The following SRGAP3 variants were observed in gnomAD, a reference collection of about 807,000 sequenced individuals.
The protein encoded by SRGAP3 is SLIT-ROBO Rho GTPase-activating protein 3.
SRGAP3 carries 39 observed loss-of-function variants against 121.1 expected under a neutral mutation model. The ratio of observed to expected loss-of-function variants is 0.32; its 90% CI spans 0.25 to 0.42. SRGAP3 has a LOEUF of 0.42. Ranked by LOEUF, SRGAP3 falls within the 10% of genes least tolerant of loss-of-function variation. The probability of loss-of-function intolerance (pLI) is 1.00; values close to 1 mark genes in which losing one functional copy is unlikely to be tolerated. For missense variants in SRGAP3, 1,213 were observed against 1,470.6 expected, an observed-to-expected ratio of 0.82 and a Z score of 2.86; for synonymous variants, 601 against 570.0, an observed-to-expected ratio of 1.05 and a Z score of -0.77.
At chr3:9,224,023 CG>C (rs1490374194) in intron 1 of SRGAP3, among the ~76,000 whole-genome samples, 1 of 152,150 alleles carries the variant, frequency 6.6e-6, no homozygotes, top group African/African-American at 2.4e-5. Flanking sequence ...TCACAAGCCA[CG>C]GGGCTCTGAA....
At chr3:9,294,484 C>G (rs1320524957) in intron 3 of SRGAP3, among the ~76,000 whole-genome samples, 1 of 152,024 alleles carries the variant, frequency 6.6e-6, no homozygotes, top group Non-Finnish European at 1.5e-5. Flanking sequence ...CACACATTTA[C>G]CTATGTAGCA....
At chr3:9,333,694 C>T (rs1425072608) in intron 1 of SRGAP3, among the ~76,000 whole-genome samples, 1 of 152,194 alleles carries the variant, frequency 6.6e-6, no homozygotes, top group Non-Finnish European at 1.5e-5. Context: ...CCCAGTCTCT[C>T]TCCCTCTCTC....
intron 12 of SRGAP3, among the ~76,000 whole-genome samples, chr3:9,031,344 C>G (rs1026516124): frequency 6.6e-6 from 1 of 152,172 alleles, no homozygotes; most frequent in Non-Finnish European, 1.5e-5. Flanking sequence ...TCCTTTGGTA[C>G]AGCCCTGCCC....
At chr3:9,069,878 C>A (rs1044529970) in intron 4 of SRGAP3, among the ~76,000 whole-genome samples, 7 of 152,104 alleles carry the variant, frequency 4.6e-5, no homozygotes, top group African/African-American at 1.7e-4. Flanking sequence ...ACCCAGGAGG[C>A]AGAGGTTGCA....
chr3:9,241,676 A>AC (rs1421043641), intron 1 of SRGAP3, among the ~76,000 whole-genome samples: 1 of 152,124 alleles, frequency 6.6e-6, no homozygotes, highest in African/African-American at 2.4e-5. Flanking sequence ...TGAAGCCCTA[A>AC]CCCCCAGTGT....
At chr3:9,033,408 TTTTC>T (rs1216565385) in intron 11 of SRGAP3, 5 of 144,744 alleles carry the variant, frequency 3.5e-5, no homozygotes, top group African/African-American at 1.1e-4. Flanking sequence ...GTACACTTTC[TTTTC>T]TTTCTTTTTT....
intron 3 of SRGAP3, among the ~76,000 whole-genome samples, chr3:9,081,983 G>A (rs1339417759): frequency 2.0e-5 from 3 of 152,178 alleles, no homozygotes; most frequent in African/African-American, 7.2e-5. Flanking sequence ...TGCCTGATAT[G>A]GTTTGAACCT....
intron 1 of SRGAP3, among the ~76,000 whole-genome samples, chr3:9,131,299 G>A (rs1295735915): frequency 2.0e-5 from 3 of 152,032 alleles, no homozygotes; most frequent in Non-Finnish European, 4.4e-5. Context: ...GATGTGGCAA[G>A]GAGGGAAAGG....
rs114652069 is a variant in SRGAP3, at chr3:8,999,949, C to G, written c.2228-5426G>C. On this transcript the variant is annotated intron_variant, in intron 18 of 21. Coordinates refer to ENST00000383836, the MANE Select transcript of SRGAP3 (RefSeq NM_014850.4). The stretch of plus-strand genomic sequence containing the variant: ...GGGCAAAAAGCAAATGAAGAAACAT[C>G]TATTCAAGAAAATCTATAAAAATTT... 7.1e-3 allele frequency among the ~76,000 whole-genome samples: 1,085 copies of G among 152,300 alleles called. 6 individuals carry two copies. The highest frequency in any genetic ancestry group is 0.037 in the Middle Eastern group (11 of 294).
intron 1 of SRGAP3, among the ~76,000 whole-genome samples, chr3:9,346,065 C>G (rs1489756029): frequency 6.6e-6 from 1 of 152,102 alleles, no homozygotes; most frequent in Admixed American, 6.5e-5. Flanking sequence ...TTTATATTCA[C>G]AAAAAACGTG....
chr3:8,985,679 A>C lies in SRGAP3; in HGVS notation c.3140T>G (p.Leu1047Arg), dbSNP rs780051953. ...TTFKPALSAR[L>R]AGAQLRPPPM... Reference sequence around the variant, plus strand: ...GGGCGGGCGGAGCTGGGCGCCAGCCAGGCGGGCGGACAGGGCTGGCTTGAA... The same window carrying C: ...GGGCGGGCGGAGCTGGGCGCCAGCCCGGCGGGCGGACAGGGCTGGCTTGAA... Residue 1047 changes from leucine (L) to arginine (R), a missense_variant, in exon 22 of 22, where the codon CTG becomes CGG. Physicochemically the swap from Leu to Arg is moderately radical, Grantham distance 102 (BLOSUM62 -2). Transcript: ENST00000383836. This position sits in a 1 kb window ranked among gnomAD's most constrained non-coding sequence, Gnocchi z 5.1. The C allele has an allele frequency of 1.3e-5, 20 of 1,594,618 alleles. No homozygotes were observed. In the South Asian group the frequency reaches 2.1e-4, roughly 17 times the overall value.
At chr3:9,280,370 G>A (rs907916202) in intron 3 of SRGAP3, among the ~76,000 whole-genome samples, 4 of 152,196 alleles carry the variant, frequency 2.6e-5, no homozygotes, top group African/African-American at 4.8e-5. Flanking sequence ...CTGTGCTGCC[G>A]CCCCCACGCA....
At chr3:9,244,636 G>A (rs147591154) in intron 1 of SRGAP3, among the ~76,000 whole-genome samples, 1 of 152,194 alleles carries the variant, frequency 6.6e-6, no homozygotes, top group Non-Finnish European at 1.5e-5. Context: ...GGGAATTGTA[G>A]AGAATAGGAT....
intron 5 of SRGAP3, among the ~76,000 whole-genome samples, chr3:9,063,633 C>T (rs1946284985): frequency 6.6e-6 from 1 of 152,150 alleles, no homozygotes; most frequent in South Asian, 2.1e-4. Flanking sequence ...GCCACTGTGG[C>T]CAGCCCTACA....
chr3:9,038,207 CTAAT>C (rs1944855624), intron 10 of SRGAP3, 117 bp from the exon 11 acceptor site: 1 of 1,361,790 alleles, frequency 7.3e-7, no homozygotes, highest in Admixed American at 1.9e-5. Context: ...AATATGAAAT[CTAAT>C]TATGCCTAAG....
chr3:9,016,779 C>G (rs1943661048), intron 14 of SRGAP3, among the ~76,000 whole-genome samples: 1 of 152,148 alleles, frequency 6.6e-6, no homozygotes, highest in Non-Finnish European at 1.5e-5. Context: ...CGGTGACTTT[C>G]TAATTATGTC....
At chr3:9,242,831 T>C (rs934971444) in intron 1 of SRGAP3, among the ~76,000 whole-genome samples, 1 of 152,112 alleles carries the variant, frequency 6.6e-6, no homozygotes, top group Non-Finnish European at 1.5e-5. Context: ...ATTACAGGCA[T>C]GTATCACCAC....
At chr3:9,049,338 A>G (rs762986972) in intron 9 of SRGAP3, 18 of 454,448 alleles carry the variant, frequency 4.0e-5, no homozygotes, top group Non-Finnish European at 8.0e-5. Context: ...CTAGGCTCCC[A>G]GGACCTGGCC....
chr3:9,088,751 C>T (rs1158005864), intron 3 of SRGAP3, among the ~76,000 whole-genome samples: 1 of 151,798 alleles, frequency 6.6e-6, no homozygotes, highest in Non-Finnish European at 1.5e-5. Flanking sequence ...TGGATGCTTT[C>T]CCAGTGTTGA....
Sources: allele counts gnomAD v4.1 joint callset (sites outside exome capture counted in the v4.1 genomes callset), GRCh38; gene constraint gnomAD v4.1.1; non-coding constraint Gnocchi (gnomAD v3.1); transcripts MANE v1.5; gene names NCBI Gene and HGNC (gene_info 2026-07-23, HGNC 2026-07-21).